The following SUSD3 variants were observed in gnomAD, a reference collection of about 807,000 sequenced individuals.
The protein encoded by SUSD3 is sushi domain-containing protein 3.
A neutral mutation model predicts 20.6 loss-of-function variants in SUSD3; 18 were observed. The observed-to-expected ratio is 0.87, with a 90% CI of 0.60 to 1.30. SUSD3 has a LOEUF of 1.30. Among genes scored for constraint, SUSD3 ranks in the 50% most tolerant of loss-of-function variants. SUSD3 has a pLI of 0.00. For missense variants in SUSD3, 306 were observed against 346.9 expected (o/e 0.88, Z 0.94); for synonymous variants, 137 against 141.5 (o/e 0.97, Z 0.23).
intron 1 of SUSD3, among the ~76,000 whole-genome samples, chr9:93,071,566 C>T (rs1385303605): frequency 6.6e-6 from 1 of 152,198 alleles, no homozygotes; most frequent in Non-Finnish European, 1.5e-5. Flanking sequence ...GTCTGCTTCT[C>T]CCAGTCCACC....
intron 1 of SUSD3, 49 bp from the exon 2 acceptor site, chr9:93,075,735 T>TGGGGGGGGGGGGGGGGGGGGG: frequency 4.0e-6 from 1 of 247,428 alleles, no homozygotes; most frequent in Non-Finnish European, 7.4e-6. Context: ...CTGCCCTGCG[T>TGGGGGGGGGGGGGGGGGGGGG]GCCCACCCCC....
At position 93,075,681 on chromosome 9, in the gene SUSD3, C is replaced by T. The variant is rs555501418; in HGVS notation, c.89-103C>T. 3.6e-6 allele frequency: 3 copies of T among 832,460 alleles called. No individual in the cohort carries two copies. In the African/African-American group the frequency reaches 5.2e-5, roughly 14 times the overall value. The allele number at this position is 832,460 out of a possible 1,614,324, so 51.6% of individuals were successfully genotyped here. The stretch of plus-strand genomic sequence containing the variant: ...TGGAGCTGCACCCCACCCCTGTGCT[C>T]CCCAATGCTGTGCCAGCTCCTCACT... On this transcript the variant is annotated intron_variant, in intron 1 of 4. Coordinates refer to ENST00000375472, the MANE Select transcript of SUSD3 (RefSeq NM_145006.4).
chr9:93,069,048 T>C, intron 1 of SUSD3: 1 of 700,324 alleles, frequency 1.4e-6, no homozygotes, highest in Non-Finnish European at 2.6e-6. Flanking sequence ...GTACTCACCC[T>C]TCTTGCGATG....
Position 93,058,810 on chromosome 9 carries a change from C to T in SUSD3, c.68C>T (p.Pro23Leu). Residue 23 changes from proline to leucine, a missense_variant, in exon 1 of 5, where the codon CCT becomes CTT. Pro to Leu is a moderately conservative substitution (Grantham distance 98). Transcript: ENST00000375472. Reference sequence around the variant, plus strand: ...CGGGGGCGGGCCGGGGTCACCACGCCTGCCCCAGGGAACCGCACAGGTGAG... The same window carrying T: ...CGGGGGCGGGCCGGGGTCACCACGCTTGCCCCAGGGAACCGCACAGGTGAG... ...RPRGRAGVTT[P>L]APGNRTGTCA... 1 of 1,256,288 alleles carries T rather than the reference C, an allele frequency of 8.0e-7. No homozygotes were observed. The highest frequency in any genetic ancestry group is 1.0e-6 in the Non-Finnish European group (1 of 1,000,026). The allele number at this position is 1,256,288 out of a possible 1,614,324, so 77.8% of individuals were successfully genotyped here. A position where few individuals can be genotyped will look rare whatever the true frequency, so the allele number is the denominator to read the frequency against.
At chr9:93,059,509 C>T (rs4744170) in intron 1 of SUSD3, among the ~76,000 whole-genome samples, 58,156 of 152,098 alleles carry the variant, frequency 0.38, 11,444 homozygotes, top group East Asian at 0.48. Context: ...GGTTCGAATG[C>T]TGGCCTTGCT....
chr9:93,079,730 T>G (rs756516436), intron 4 of SUSD3, 128 bp downstream of exon 4: 25 of 939,172 alleles, frequency 2.7e-5, no homozygotes, highest in Non-Finnish European at 3.9e-5. Flanking sequence ...ACCCAGAACC[T>G]TAACTCCCAT....
At chr9:93,077,767 A>G in intron 2 of SUSD3, 79 bp from the exon 3 acceptor site, 6 of 1,542,622 alleles carry the variant, frequency 3.9e-6, no homozygotes, top group Non-Finnish European at 5.3e-6. Context: ...TACCCGTACC[A>G]CCCCTGAGAC....
chr9:93,084,429 G>C (rs1025351060), intron 4 of SUSD3, 108 bp from the exon 5 acceptor site: 3 of 1,019,636 alleles, frequency 2.9e-6, no homozygotes, highest in Non-Finnish European at 4.2e-6. Context: ...GCTCAGGGCA[G>C]CAGTTGCCCC....
chr9:93,065,292 G>A (rs773955030), intron 1 of SUSD3, among the ~76,000 whole-genome samples: 2 of 152,148 alleles, frequency 1.3e-5, no homozygotes, highest in African/African-American at 2.4e-5. Flanking sequence ...CCATCCCTTG[G>A]TCCACCCCTC....
chr9:93,082,520 T>A (rs1226655211), intron 4 of SUSD3, among the ~76,000 whole-genome samples: 2 of 152,136 alleles, frequency 1.3e-5, no homozygotes, highest in Non-Finnish European at 2.9e-5. Context: ...GGTTTCACTG[T>A]GTTAGCCAGG....
intron 1 of SUSD3, 49 bp from the exon 2 acceptor site, chr9:93,075,735 T>TTCCCCCCCCCCCCCCCCCCCCCCCCC: frequency 8.1e-6 from 2 of 247,428 alleles, no homozygotes; most frequent in Non-Finnish European, 7.4e-6. Context: ...CTGCCCTGCG[T>TTCCCCCCCCCCCCCCCCCCCCCCCCC]GCCCACCCCC....
chr9:93,069,208 C>T, intron 1 of SUSD3: 1 of 694,516 alleles, frequency 1.4e-6, no homozygotes, highest in African/African-American at 1.7e-5. Flanking sequence ...CATCCCGCTC[C>T]ACCCCGCCTG....
chr9:93,067,047 G>A (rs1028986729), intron 1 of SUSD3, among the ~76,000 whole-genome samples: 15 of 152,154 alleles, frequency 9.9e-5, no homozygotes, highest in African/African-American at 3.6e-4. Flanking sequence ...CACTGCATAA[G>A]AAGATCCCAT....
chr9:93,079,492 G>C lies in SUSD3; in HGVS notation c.447G>C (p.Gln149His). The C allele has an allele frequency of 4.3e-6, 7 of 1,614,056 alleles. No homozygotes were observed. Among genetic ancestry groups the C allele is most frequent in the Non-Finnish European group, 5.9e-6 (7 of 1,179,956 alleles). The part of the protein sequence containing the change: ...RSNRSAQLWS[Q>H]LKDEDLETVQ... ...CCAGGTCAGCCCAGCTGTGGTCCCA[G>C]CTGAAAGATGAGGACTTGGAGACGG... The change falls in exon 4 of 5, where the codon CAG becomes CAC. Residue 149 changes from glutamine (Q) to histidine (H), a missense_variant. Physicochemically the swap from Gln to His is conservative, Grantham distance 24 (BLOSUM62 0). Coordinates refer to ENST00000375472, the MANE Select transcript of SUSD3 (RefSeq NM_145006.4).
intron 1 of SUSD3, among the ~76,000 whole-genome samples, chr9:93,071,455 T>C (rs60167811): frequency 0.064 from 9,768 of 152,186 alleles, 983 homozygotes; most frequent in African/African-American, 0.22. Flanking sequence ...AAGATGAAGG[T>C]CAGAAGATTC....
intron 1 of SUSD3, among the ~76,000 whole-genome samples, chr9:93,060,915 G>T (rs1013107785): frequency 2.0e-5 from 3 of 152,178 alleles, no homozygotes; most frequent in Non-Finnish European, 4.4e-5. Context: ...CATTACCACT[G>T]GTTTTCCTAG....
intron 2 of SUSD3, among the ~76,000 whole-genome samples, chr9:93,076,317 A>G (rs1446451912): frequency 1.6e-5 from 2 of 124,996 alleles, no homozygotes; most frequent in African/African-American, 9.6e-5. Context: ...TTGTTCATTC[A>G]TTCATTCATT....
chr9:93,072,271 G>A lies in SUSD3; in HGVS notation c.89-3513G>A, dbSNP rs1352567082. ...GCATGTCTGCCTCAACCCCTCCTGAGGGCCACCCCTGCCTCTGCACTCTCG... is the reference window on the plus strand; with the variant it reads ...GCATGTCTGCCTCAACCCCTCCTGAAGGCCACCCCTGCCTCTGCACTCTCG... On this transcript the variant is annotated intron_variant, in intron 1 of 4. Coordinates refer to ENST00000375472, the MANE Select transcript of SUSD3 (RefSeq NM_145006.4). Among the ~76,000 whole-genome samples the A allele has an allele frequency of 2.0e-5, 3 of 152,158 alleles. No homozygotes were observed. In the East Asian group the frequency reaches 5.8e-4, roughly 29 times the overall value.
At chr9:93,074,452 A>T (rs1826043287) in intron 1 of SUSD3, among the ~76,000 whole-genome samples, 1 of 146,242 alleles carries the variant, frequency 6.8e-6, no homozygotes, top group African/African-American at 2.5e-5. Context: ...AAAAAAAAAA[A>T]AAAAAAGAAC....
Sources: allele counts gnomAD v4.1 joint callset (sites outside exome capture counted in the v4.1 genomes callset), GRCh38; gene constraint gnomAD v4.1.1; transcripts MANE v1.5; gene names NCBI Gene and HGNC (gene_info 2026-07-23, HGNC 2026-07-21).